CDH20: variants seen among roughly 807,000 people sequenced by gnomAD.
CDH20 encodes cadherin-20.
Under a neutral mutation model 74.2 loss-of-function variants are expected in CDH20, and 29 were observed. The ratio of observed to expected loss-of-function variants is 0.39; its 90% confidence interval spans 0.29 to 0.53. The LOEUF (loss-of-function observed/expected upper bound fraction) is 0.53, where lower values mean the gene tolerates loss of function less well. Among genes scored for constraint, CDH20 ranks in the 20% least tolerant of loss-of-function variants. The pLI is 0.69. For missense variants in CDH20, 988 were observed against 1,048.3 expected, an observed-to-expected ratio of 0.94 and a Z score of 0.79; for synonymous variants, 469 against 405.4, an observed-to-expected ratio of 1.16 and a Z score of -1.88.
At chr18:61,415,140 A>T (rs1478976816) in intron 1 of CDH20, among the ~76,000 whole-genome samples, 1 of 152,114 alleles carries the variant, frequency 6.6e-6, no homozygotes, top group Non-Finnish European at 1.5e-5. Context: ...TAGCATTTTT[A>T]TTCACTAGTA....
intron 6 of CDH20, among the ~76,000 whole-genome samples, chr18:61,524,380 T>C (rs922090018): frequency 6.6e-6 from 1 of 152,188 alleles, no homozygotes; most frequent in African/African-American, 2.4e-5. Context: ...TTTCTGAAAA[T>C]TCATTTGGAA....
intron 1 of CDH20, among the ~76,000 whole-genome samples, chr18:61,473,453 A>G (rs1244005364): frequency 6.6e-6 from 1 of 152,250 alleles, no homozygotes. Context: ...CATAAGAACA[A>G]AAACTGGTAA....
chr18:61,364,800 A>C (rs536799553), intron 1 of CDH20, among the ~76,000 whole-genome samples: 29 of 152,318 alleles, frequency 1.9e-4, no homozygotes, highest in African/African-American at 6.5e-4. Context: ...TGTGAGCCAA[A>C]TAACCCTTTT....
At chr18:61,509,755 C>T (rs1204548106) in intron 6 of CDH20, among the ~76,000 whole-genome samples, 1 of 151,990 alleles carries the variant, frequency 6.6e-6, no homozygotes, top group Non-Finnish European at 1.5e-5. Context: ...GGGAGACCAG[C>T]TGAGAAGCTA....
chr18:61,419,135 C>T (rs976043417), intron 1 of CDH20, among the ~76,000 whole-genome samples: 3 of 152,100 alleles, frequency 2.0e-5, no homozygotes, highest in Non-Finnish European at 4.4e-5. Flanking sequence ...GCAATCATAG[C>T]TCACTGTACT....
chr18:61,333,986 C>T (rs557651851), intron 1 of CDH20, among the ~76,000 whole-genome samples, 159 bp downstream of exon 1: 1 of 152,304 alleles, frequency 6.6e-6, no homozygotes, highest in South Asian at 2.1e-4. Context: ...GCCTACCGGC[C>T]GCTCCGAGTT....
chr18:61,410,615 C>T (rs72991834), intron 1 of CDH20, among the ~76,000 whole-genome samples: 1 of 152,004 alleles, frequency 6.6e-6, no homozygotes, highest in African/African-American at 2.4e-5. Context: ...GAGATATGAC[C>T]TTTTGATATA....
At chr18:61,410,835 C>G (rs767325139) in intron 1 of CDH20, among the ~76,000 whole-genome samples, 2 of 152,156 alleles carry the variant, frequency 1.3e-5, no homozygotes, top group African/African-American at 2.4e-5. Context: ...AAGGAGATGG[C>G]CTTTCTCAGC....
intron 1 of CDH20, among the ~76,000 whole-genome samples, chr18:61,490,197 G>C (rs1910905344): frequency 6.6e-6 from 1 of 152,038 alleles, no homozygotes; most frequent in South Asian, 2.1e-4. Context: ...TATATCCAAA[G>C]GTTTGGGATT....
At chr18:61,354,041 CA>C (rs35091174) in intron 1 of CDH20, among the ~76,000 whole-genome samples, 121,281 of 138,984 alleles carry the variant, frequency 0.87, 52,640 homozygotes, top group East Asian at 0.98. Context: ...GAGACCCTGT[CA>C]AAAAAAAAAA....
chr18:61,375,884 T>A (rs924579203), intron 1 of CDH20, among the ~76,000 whole-genome samples: 1 of 152,160 alleles, frequency 6.6e-6, no homozygotes, highest in Non-Finnish European at 1.5e-5. Context: ...AGAAAAAAGT[T>A]AAGTATCCAA....
In CDH20 at chr18:61,554,334, C is replaced by T. The variant is rs1433100928; in HGVS notation, c.2045C>T (p.Ala682Val). The change falls in exon 12 of 12, where the codon GCC becomes GTC. Residue 682 changes from alanine (A) to valine (V), a missense_variant. By Grantham distance (64) the Ala-to-Val change is moderately conservative (BLOSUM62 0). Coordinates refer to ENST00000262717, the MANE Select transcript of CDH20 (RefSeq NM_031891.4). ...GACACCGAGGCCTTCGACATCGCGG[C>T]CATGTGGAACCCCCGGGAGGCGCAG... is the stretch of plus-strand genomic sequence containing the variant. ...EEDTEAFDIA[A>V]MWNPREAQAG... 2 of 1,613,676 alleles carry T rather than the reference C, an allele frequency of 1.2e-6. No individual in the cohort carries two copies. The highest frequency in any genetic ancestry group is 1.1e-5 in the South Asian group (1 of 91,076).
chr18:61,512,904 A>C (rs1911838371), intron 6 of CDH20, among the ~76,000 whole-genome samples: 1 of 152,182 alleles, frequency 6.6e-6, no homozygotes, highest in African/African-American at 2.4e-5. Flanking sequence ...ACATTTGCTG[A>C]GGAGAGCTTT....
At chr18:61,410,085 C>T (rs1912448193) in intron 1 of CDH20, among the ~76,000 whole-genome samples, 1 of 152,294 alleles carries the variant, frequency 6.6e-6, no homozygotes, top group South Asian at 2.1e-4. Flanking sequence ...CCTTTTGACA[C>T]TACTATTGTC....
chr18:61,383,220 A>T (rs1490196330), intron 1 of CDH20, among the ~76,000 whole-genome samples: 1 of 152,190 alleles, frequency 6.6e-6, no homozygotes, highest in Non-Finnish European at 1.5e-5. Flanking sequence ...CAAAAGTTCA[A>T]TTATGTTCTG....
At chr18:61,365,481 G>A (rs1229181002) in intron 1 of CDH20, among the ~76,000 whole-genome samples, 1 of 152,120 alleles carries the variant, frequency 6.6e-6, no homozygotes, top group Admixed American at 6.5e-5. Flanking sequence ...CCTTGGCATA[G>A]AAATGGGTTT....
chr18:61,342,612 TA>T (rs1328743730), intron 1 of CDH20, among the ~76,000 whole-genome samples: 1 of 152,226 alleles, frequency 6.6e-6, no homozygotes, highest in African/African-American at 2.4e-5. Flanking sequence ...TAGATACCAA[TA>T]ATATCTTCCC....
At chr18:61,392,344 C>T (rs1375644096) in intron 1 of CDH20, among the ~76,000 whole-genome samples, 1 of 152,142 alleles carries the variant, frequency 6.6e-6, no homozygotes, top group Non-Finnish European at 1.5e-5. Flanking sequence ...CCTGTTTACC[C>T]ACTCTAAATC....
At chr18:61,501,412 A>T (rs1158360645) in intron 4 of CDH20, among the ~76,000 whole-genome samples, 1 of 152,052 alleles carries the variant, frequency 6.6e-6, no homozygotes, top group Admixed American at 6.6e-5. Context: ...GCCATATTTG[A>T]GCTTCCCAAT....
Sources: allele counts gnomAD v4.1 joint callset (sites outside exome capture counted in the v4.1 genomes callset), GRCh38; gene constraint gnomAD v4.1.1; transcripts MANE v1.5; gene names NCBI Gene and HGNC (gene_info 2026-07-23, HGNC 2026-07-21).